The following PTPN9 variants were observed in gnomAD, a reference collection of about 807,000 sequenced individuals.
PTPN9 encodes the protein tyrosine-protein phosphatase non-receptor type 9.
A neutral mutation model predicts 69.8 loss-of-function variants in PTPN9; 26 were observed. That is an observed-to-expected ratio of 0.37 (90% CI 0.27 to 0.52). PTPN9 has a LOEUF of 0.52. PTPN9 is among the 20% of genes least tolerant of loss of function. The pLI is 0.91. For synonymous variants in PTPN9, 274 were observed against 272.5 expected, an observed-to-expected ratio of 1.01 and a Z score of -0.05; for missense variants, 549 against 740.3, an observed-to-expected ratio of 0.74 and a Z score of 3.00.
chr15:75,480,402 A>T (rs1305907801), intron 8 of PTPN9, among the ~76,000 whole-genome samples: 2 of 152,160 alleles, frequency 1.3e-5, no homozygotes, highest in Non-Finnish European at 2.9e-5. Context: ...CAGGAGATCG[A>T]GACCATCCTG....
chr15:75,485,969 G>A (rs111534199), intron 8 of PTPN9, among the ~76,000 whole-genome samples: 52,441 of 150,988 alleles, frequency 0.35, 10,272 homozygotes, highest in African/African-American at 0.53. Flanking sequence ...GTGTGGTGGC[G>A]GGCGCCTGTA....
chr15:75,521,749 A>G (rs1335475468), intron 4 of PTPN9, among the ~76,000 whole-genome samples: 1 of 152,204 alleles, frequency 6.6e-6, no homozygotes, highest in Non-Finnish European at 1.5e-5. Flanking sequence ...TAGGAGATCC[A>G]TGAGGGGCTA....
At chr15:75,522,041 A>C (rs1030182105) in intron 4 of PTPN9, among the ~76,000 whole-genome samples, 1 of 152,188 alleles carries the variant, frequency 6.6e-6, no homozygotes, top group Non-Finnish European at 1.5e-5. Flanking sequence ...GACCAGCCAA[A>C]GATGTCGAGA....
chr15:75,482,475 G>C (rs1260396237), intron 8 of PTPN9, among the ~76,000 whole-genome samples: 1 of 147,214 alleles, frequency 6.8e-6, no homozygotes, highest in Non-Finnish European at 1.5e-5. Context: ...TGAGGCAGGA[G>C]AATGGCGTGA....
intron 7 of PTPN9, among the ~76,000 whole-genome samples, chr15:75,502,372 T>G (rs928278682): frequency 6.6e-6 from 1 of 151,332 alleles, no homozygotes; most frequent in African/African-American, 2.4e-5. Context: ...CGCTTGAACC[T>G]GGGAGGCGGA....
intron 7 of PTPN9, among the ~76,000 whole-genome samples, chr15:75,499,685 T>G (rs1156878071): frequency 6.6e-6 from 1 of 151,882 alleles, no homozygotes; most frequent in Non-Finnish European, 1.5e-5. Flanking sequence ...ATTACAGGCG[T>G]GAGCCACCGC....
chr15:75,480,689 C>T (rs1006164190), intron 8 of PTPN9: 4 of 1,286,688 alleles, frequency 3.1e-6, no homozygotes, highest in African/African-American at 1.6e-5. Flanking sequence ...CGCGACCGAC[C>T]GCAGCCACCG....
Position 75,468,311 on chromosome 15 carries a change from A to G in PTPN9, c.*458T>C. ...CGCCCTACTTATAAACGTGCTTGGC[A>G]CTCAGGACGATCTCTAGAATATGTA... On this transcript the variant is annotated 3_prime_UTR_variant, in exon 13 of 13. Coordinates refer to ENST00000618819, the MANE Select transcript of PTPN9 (RefSeq NM_002833.4). The G allele has an allele frequency of 5.8e-6, 1 of 171,676 alleles. No homozygotes were observed. The highest frequency in any genetic ancestry group is 1.3e-5 in the Non-Finnish European group (1 of 78,072). 10.6% of individuals were successfully genotyped at this position (171,676 alleles called of 1,614,324 possible).
At chr15:75,568,600 C>T (rs1298466013) in intron 1 of PTPN9, among the ~76,000 whole-genome samples, 1 of 151,314 alleles carries the variant, frequency 6.6e-6, no homozygotes, top group Non-Finnish European at 1.5e-5. Context: ...TTTGGGAGGC[C>T]GAGGCTGGAA....
intron 2 of PTPN9, among the ~76,000 whole-genome samples, chr15:75,526,575 C>A (rs2074928810): frequency 6.6e-6 from 1 of 151,948 alleles, no homozygotes; most frequent in African/African-American, 2.4e-5. Flanking sequence ...AAAGTCTATG[C>A]CCCCTCAAAA....
chr15:75,534,619 G>A (rs1051575180), intron 1 of PTPN9, among the ~76,000 whole-genome samples: 50 of 151,760 alleles, frequency 3.3e-4, no homozygotes, highest in African/African-American at 1.1e-3. Flanking sequence ...AGGCTGCAGA[G>A]GGCCAAGATC....
At chr15:75,546,422 T>A (rs1344763851) in intron 1 of PTPN9, among the ~76,000 whole-genome samples, 1 of 152,096 alleles carries the variant, frequency 6.6e-6, no homozygotes, top group Non-Finnish European at 1.5e-5. Flanking sequence ...GGCGGGCAGA[T>A]CACGAGGTCA....
chr15:75,516,327 G>A lies in PTPN9; in HGVS notation c.528+932C>T, dbSNP rs530358074. 4.8e-4 allele frequency among the ~76,000 whole-genome samples: 67 copies of A among 140,512 alleles called. No homozygotes were observed. The Middle Eastern group carries it at 0.012, about 24-fold the overall frequency. The allele number at this position is 140,512 out of a possible 152,430, so 92.2% of individuals were successfully genotyped here. On this transcript the variant is annotated intron_variant, in intron 5 of 12. Coordinates refer to ENST00000618819, the MANE Select transcript of PTPN9 (RefSeq NM_002833.4). Reference sequence around the variant, plus strand: ...TCTTTTTTTTTTTTTTTTTTGAGACGAAGTCTCACTGTGTCGCCCAGGCTG... The same window carrying A: ...TCTTTTTTTTTTTTTTTTTTGAGACAAAGTCTCACTGTGTCGCCCAGGCTG...
At chr15:75,516,297 TTTC>T (rs1207833315) in intron 5 of PTPN9, among the ~76,000 whole-genome samples, 2 of 150,464 alleles carry the variant, frequency 1.3e-5, no homozygotes, top group African/African-American at 2.4e-5. Flanking sequence ...TTTATGTATG[TTTC>T]TTCTTTTTTT....
intron 7 of PTPN9, among the ~76,000 whole-genome samples, chr15:75,490,683 A>G (rs994659321): frequency 2.8e-4 from 43 of 152,030 alleles, no homozygotes; most frequent in African/African-American, 9.4e-4. Flanking sequence ...GGAGTGCAGT[A>G]GCGTGATCTC....
intron 10 of PTPN9, among the ~76,000 whole-genome samples, chr15:75,472,004 A>G (rs776058450): frequency 6.6e-5 from 10 of 152,156 alleles, no homozygotes; most frequent in African/African-American, 2.2e-4. Context: ...ATTCCAAGGT[A>G]GAACTTCTCC....
chr15:75,539,315 ATTTT>A (rs11324064), intron 1 of PTPN9, among the ~76,000 whole-genome samples: 1 of 144,380 alleles, frequency 6.9e-6, no homozygotes, highest in Non-Finnish European at 1.5e-5. Flanking sequence ...TATTTAGAAG[ATTTT>A]TTTTTTTTTT....
chr15:75,504,121 G>GT (rs1302195565), intron 7 of PTPN9, among the ~76,000 whole-genome samples: 2 of 127,586 alleles, frequency 1.6e-5, no homozygotes, highest in Non-Finnish European at 3.4e-5. Flanking sequence ...CGTCCGGGAG[G>GT]GAGGTGGGGA....
chr15:75,475,540 A>T (rs1229272441), intron 9 of PTPN9, among the ~76,000 whole-genome samples: 1 of 152,038 alleles, frequency 6.6e-6, no homozygotes, highest in African/African-American at 2.4e-5. Context: ...TTAAACCAAG[A>T]TCGCACCATT....
Sources: allele counts gnomAD v4.1 joint callset (sites outside exome capture counted in the v4.1 genomes callset), GRCh38; gene constraint gnomAD v4.1.1; transcripts MANE v1.5; gene names NCBI Gene and HGNC (gene_info 2026-07-23, HGNC 2026-07-21).